The following CCDC178 variants were observed in gnomAD, a reference collection of about 807,000 sequenced individuals.
CCDC178 encodes the protein coiled-coil domain containing 178.
Under a neutral mutation model 117.4 loss-of-function variants are expected in CCDC178, and 126 were observed. The observed-to-expected ratio is 1.07, with a 90% confidence interval of 0.93 to 1.24. CCDC178 has a LOEUF of 1.24. CCDC178 is among the 50% of genes most tolerant of loss of function. The pLI is 0.00. For missense variants in CCDC178, 1,030 were observed against 986.9 expected (o/e 1.04, Z -0.59); for synonymous variants, 283 against 313.4 (o/e 0.90, Z 1.02).
rs183592197 is a variant in CCDC178, at chr18:33,249,110, G to A, written c.1410-3682C>T. Reference sequence around the variant, plus strand: ...ATATCCTTCACCCACTTTTTGATGGGGTTCTTTGTTTTTCTCTTGTAAATT... The same window carrying A: ...ATATCCTTCACCCACTTTTTGATGGAGTTCTTTGTTTTTCTCTTGTAAATT... On this transcript the variant is annotated intron_variant, in intron 14 of 22. Coordinates refer to ENST00000383096, the MANE Select transcript of CCDC178 (RefSeq NM_001105528.4). Among the ~76,000 whole-genome samples, 1,108 of 152,002 alleles carry A rather than the reference G, an allele frequency of 7.3e-3. 9 individuals carry two copies. Among genetic ancestry groups the A allele is most frequent in the African/African-American group, 0.025 (1,057 of 41,474 alleles).
chr18:33,115,425 A>G (rs1441050848), intron 20 of CCDC178, among the ~76,000 whole-genome samples: 3 of 152,106 alleles, frequency 2.0e-5, no homozygotes, highest in Non-Finnish European at 4.4e-5. Context: ...TTTCACTATT[A>G]GAAATAATAG....
At chr18:33,249,592 A>G (rs1033080649) in intron 14 of CCDC178, among the ~76,000 whole-genome samples, 1 of 151,886 alleles carries the variant, frequency 6.6e-6, no homozygotes, top group Non-Finnish European at 1.5e-5. Flanking sequence ...GTGTGGTATT[A>G]TTTCTGAGGG....
Position 33,092,899 on chromosome 18 carries a change from A to G in CCDC178, c.2250T>C (p.Ala750=). Residue 750 remains alanine, a synonymous_variant, in exon 21 of 23, where the codon GCT becomes GCC. Coordinates refer to ENST00000383096, the MANE Select transcript of CCDC178 (RefSeq NM_001105528.4). The part of the protein sequence containing the change: ...KTLQDTQKII[A]DSLEENLRLA... ...AACGCAGATTTTCTTCAAGTGAATCAGCTATTATTTTCTAGAAGGTAAAAA... is the reference window on the plus strand; with the variant it reads ...AACGCAGATTTTCTTCAAGTGAATCGGCTATTATTTTCTAGAAGGTAAAAA... The G allele has an allele frequency of 6.4e-7, 1 of 1,555,686 alleles. No homozygotes were observed. The highest frequency in any genetic ancestry group is 2.1e-5 in the Admixed American group (1 of 47,744).
intron 20 of CCDC178, among the ~76,000 whole-genome samples, chr18:33,193,645 A>G (rs1274159779): frequency 6.6e-6 from 1 of 152,218 alleles, no homozygotes; most frequent in African/African-American, 2.4e-5. Context: ...TTATATCAAT[A>G]TATTTTTTGA....
chr18:33,334,385 T>TTTTTATATATTATATATATATTAATA (rs1289361436), intron 9 of CCDC178, among the ~76,000 whole-genome samples: 20 of 152,126 alleles, frequency 1.3e-4, no homozygotes, highest in Non-Finnish European at 1.5e-5. Context: ...ATTTGAAATT[T>TTTTTATATATTATATATATATTAATA]TAAGCACAGG....
At chr18:33,172,079 T>G (rs1220640880) in intron 20 of CCDC178, among the ~76,000 whole-genome samples, 1 of 152,178 alleles carries the variant, frequency 6.6e-6, no homozygotes, top group Non-Finnish European at 1.5e-5. Context: ...CCTGGCTAAT[T>G]TTTGTATTTT....
intron 20 of CCDC178, among the ~76,000 whole-genome samples, chr18:33,124,906 G>A (rs1211784709): frequency 1.3e-5 from 2 of 152,154 alleles, no homozygotes; most frequent in East Asian, 3.9e-4. Flanking sequence ...ATGTGCATTG[G>A]TTTTAGTATC....
chr18:33,380,757 A>G (rs983365926), intron 5 of CCDC178, among the ~76,000 whole-genome samples: 1 of 152,208 alleles, frequency 6.6e-6, no homozygotes. Flanking sequence ...TAACGCTCAG[A>G]GAGTTGATCT....
intron 14 of CCDC178, among the ~76,000 whole-genome samples, chr18:33,249,812 T>G (rs962245929): frequency 6.6e-6 from 1 of 152,066 alleles, no homozygotes; most frequent in African/African-American, 2.4e-5. Context: ...AAGAAAGTCC[T>G]TGGTAGCTTG....
At chr18:33,017,207 T>TA (rs888038538) in intron 21 of CCDC178, among the ~76,000 whole-genome samples, 1 of 151,766 alleles carries the variant, frequency 6.6e-6, no homozygotes, top group African/African-American at 2.4e-5. Context: ...TAGAAAATCT[T>TA]AAAAAATCAG....
intron 20 of CCDC178, among the ~76,000 whole-genome samples, chr18:33,126,856 G>T (rs2058010929): frequency 6.6e-6 from 1 of 151,238 alleles, no homozygotes; most frequent in South Asian, 2.1e-4. Flanking sequence ...CAGGTTTTCT[G>T]CATTTGGCCA....
chr18:33,091,321 ATTCTTTTTTT>A (rs1257378644), intron 21 of CCDC178, among the ~76,000 whole-genome samples: 1 of 18,360 alleles, frequency 5.4e-5, no homozygotes, highest in Admixed American at 7.8e-4. Context: ...CACTTATTTC[ATTCTTTTTTT>A]TTTTTTTTTT....
At chr18:33,351,200 TC>T (rs1217470395) in intron 7 of CCDC178, among the ~76,000 whole-genome samples, 1 of 151,274 alleles carries the variant, frequency 6.6e-6, no homozygotes, top group East Asian at 1.9e-4. Context: ...TTTGTTTGTT[TC>T]TTTGTTTTTT....
Position 33,412,058 on chromosome 18 carries a change from A to G in CCDC178, c.31T>C (p.Ser11Pro). The part of the protein sequence containing the change: MTENKTVSSS[S>P]TRDDQTNIGL... The stretch of plus-strand genomic sequence containing the variant: ...ATATTGGTTTGATCATCTCTAGTGG[A>G]AGAAGAGGAAACTGTCTTGTTTTCA... The change falls in exon 3 of 23, where the codon TCC becomes CCC. Residue 11 changes from serine to proline, a missense_variant. Coordinates refer to ENST00000383096, the MANE Select transcript of CCDC178 (RefSeq NM_001105528.4). 1 of 1,509,220 alleles carries G rather than the reference A, an allele frequency of 6.6e-7. No homozygotes were observed. The highest frequency in any genetic ancestry group is 9.1e-7 in the Non-Finnish European group (1 of 1,095,834). 93.5% of individuals were successfully genotyped at this position (1,509,220 alleles called of 1,614,324 possible).
chr18:33,201,245 T>C (rs1276728412), intron 20 of CCDC178, among the ~76,000 whole-genome samples: 2 of 152,214 alleles, frequency 1.3e-5, no homozygotes, highest in Non-Finnish European at 2.9e-5. Context: ...AAAATATTTA[T>C]TTCCGGTATT....
chr18:33,330,535 T>C (rs1357795794), intron 10 of CCDC178, among the ~76,000 whole-genome samples: 1 of 152,084 alleles, frequency 6.6e-6, no homozygotes, highest in Non-Finnish European at 1.5e-5. Flanking sequence ...AGTAGCACAA[T>C]AATGATGAAA....
intron 14 of CCDC178, among the ~76,000 whole-genome samples, chr18:33,251,576 G>A (rs1186439464): frequency 1.3e-5 from 2 of 151,658 alleles, no homozygotes; most frequent in African/African-American, 4.8e-5. Context: ...AGTCCTTCGA[G>A]TGTCTCCCTA....
chr18:33,013,242 G>A (rs1205081428), intron 21 of CCDC178, among the ~76,000 whole-genome samples: 3 of 151,986 alleles, frequency 2.0e-5, no homozygotes, highest in African/African-American at 7.2e-5. Context: ...CTGCTTCACA[G>A]CTTCTCTCCA....
chr18:33,113,876 G>A (rs1343797911), intron 20 of CCDC178, among the ~76,000 whole-genome samples: 2 of 152,012 alleles, frequency 1.3e-5, no homozygotes, highest in South Asian at 4.1e-4. Context: ...TGGTGGTTTA[G>A]ATTCTTCCCA....
Sources: allele counts gnomAD v4.1 joint callset (sites outside exome capture counted in the v4.1 genomes callset), GRCh38; gene constraint gnomAD v4.1.1; transcripts MANE v1.5; gene names NCBI Gene and HGNC (gene_info 2026-07-23, HGNC 2026-07-21).